Variants in RBM47 observed in about 807,000 individuals in gnomAD.
The protein encoded by RBM47 is RNA binding motif protein 47, also known as RNA-binding protein 47.
Under a neutral mutation model 47.1 loss-of-function variants are expected in RBM47, and 21 were observed. The observed-to-expected ratio is 0.45, with a 90% CI of 0.32 to 0.64. RBM47 has a LOEUF of 0.64. Among genes scored for constraint, RBM47 ranks in the 30% least tolerant of loss-of-function variants. The pLI is 0.05. For missense variants in RBM47, 708 were observed against 870.9 expected (o/e 0.81, Z 2.35); for synonymous variants, 375 against 361.7 (o/e 1.04, Z -0.42).
rs576683862 is a variant in RBM47 at position 40,532,092 on chromosome 4, C to G, written c.-155+12330G>C. ...GTGGCGCAGTCTCAGTTCACTGCAA[C>G]CTCTACCTCCTGGGTTCAAGAGATT... On this transcript the variant is annotated intron_variant, in intron 2 of 6. Coordinates refer to ENST00000295971, the MANE Select transcript of RBM47 (RefSeq NM_001098634.2). Among the ~76,000 whole-genome samples the G allele has an allele frequency of 2.9e-3, 429 of 150,504 alleles. 4 individuals carry two copies. Among genetic ancestry groups the G allele is most frequent in the African/African-American group, 9.1e-3 (373 of 40,924 alleles).
intron 2 of RBM47, among the ~76,000 whole-genome samples, chr4:40,521,788 A>G (rs956182638): frequency 6.6e-6 from 1 of 152,200 alleles, no homozygotes; most frequent in African/African-American, 2.4e-5. Context: ...CTTTCAAGCA[A>G]AAGTTAAATA....
At chr4:40,514,520 T>G (rs1725336850) in intron 2 of RBM47, 1 of 152,198 alleles carries the variant, frequency 6.6e-6, no homozygotes, top group South Asian at 2.1e-4. Context: ...ACGTACCTGC[T>G]AAGCACCTGG....
At chr4:40,530,509 G>A (rs988283125) in intron 2 of RBM47, among the ~76,000 whole-genome samples, 5 of 151,494 alleles carry the variant, frequency 3.3e-5, no homozygotes, top group African/African-American at 1.2e-4. Context: ...CACTATATTG[G>A]CCAGGCTGGT....
chr4:40,521,513 TAA>T (rs1453579509), intron 2 of RBM47, among the ~76,000 whole-genome samples: 2 of 152,204 alleles, frequency 1.3e-5, no homozygotes, highest in Non-Finnish European at 1.5e-5. Flanking sequence ...TTTATTTTAT[TAA>T]GTCTCAATTC....
chr4:40,437,159 T>TATATATATATATAAAATAC (rs1712750661), intron 4 of RBM47, among the ~76,000 whole-genome samples: 4 of 6,332 alleles, frequency 6.3e-4, no homozygotes, highest in African/African-American at 1.1e-3. Flanking sequence ...ATAAAATACA[T>TATATATATATATAAAATAC]ATATATATAT....
intron 3 of RBM47, among the ~76,000 whole-genome samples, chr4:40,447,455 A>T (rs116565604): frequency 0.026 from 3,947 of 152,326 alleles, 169 homozygotes; most frequent in African/African-American, 0.09. Flanking sequence ...AGCTTTCATT[A>T]GGATTTTAAC....
intron 2 of RBM47, among the ~76,000 whole-genome samples, chr4:40,470,151 T>G (rs1303200708): frequency 2.0e-5 from 3 of 152,140 alleles, no homozygotes; most frequent in Non-Finnish European, 4.4e-5. Context: ...GTAATAAGAT[T>G]TGTGGGGCAG....
intron 2 of RBM47, among the ~76,000 whole-genome samples, chr4:40,527,268 G>A (rs1177290872): frequency 3.3e-5 from 5 of 150,316 alleles, no homozygotes; most frequent in Non-Finnish European, 7.4e-5. Context: ...GACTACAGGC[G>A]TATGCCACCA....
At chr4:40,494,018 T>G (rs1462100473) in intron 2 of RBM47, among the ~76,000 whole-genome samples, 1 of 152,192 alleles carries the variant, frequency 6.6e-6, no homozygotes, top group African/African-American at 2.4e-5. Context: ...ACTGTGAATT[T>G]CAACTGATAA....
chr4:40,574,068 TGAG>T (rs1388859940), intron 1 of RBM47, among the ~76,000 whole-genome samples: 1 of 152,180 alleles, frequency 6.6e-6, no homozygotes, highest in South Asian at 2.1e-4. Flanking sequence ...ACTTAAATAA[TGAG>T]GAAGAACAGG....
At chr4:40,468,839 C>A (rs1166437494) in intron 2 of RBM47, among the ~76,000 whole-genome samples, 1 of 152,136 alleles carries the variant, frequency 6.6e-6, no homozygotes, top group Admixed American at 6.5e-5. Context: ...AAGATAATTC[C>A]TGAAATGCTG....
chr4:40,597,498 C>T (rs1252706271), intron 1 of RBM47, among the ~76,000 whole-genome samples: 2 of 151,848 alleles, frequency 1.3e-5, no homozygotes, highest in Non-Finnish European at 2.9e-5. Flanking sequence ...AGGAGAATGG[C>T]TTGAACCCAG....
chr4:40,435,420 G>A (rs144586086), intron 5 of RBM47, among the ~76,000 whole-genome samples: 79 of 152,140 alleles, frequency 5.2e-4, no homozygotes, highest in Middle Eastern at 3.4e-3. Context: ...ATGGTGGTGC[G>A]CGCCTGTAGT....
chr4:40,602,645 TAA>T (rs535210913), intron 1 of RBM47, among the ~76,000 whole-genome samples: 40 of 122,774 alleles, frequency 3.3e-4, no homozygotes, highest in Non-Finnish European at 3.1e-4. Flanking sequence ...AGAATCCGTT[TAA>T]AAAAAAAAAA....
chr4:40,629,843 G>C lies in RBM47; in HGVS notation c.-687C>G, dbSNP rs989101856. On this transcript the variant is annotated 5_prime_UTR_variant, in exon 1 of 7. Coordinates refer to ENST00000295971, the MANE Select transcript of RBM47 (RefSeq NM_001098634.2). ...CCCGGCTGCGTGGGGCGCTGCGCACGGGAGCGCTCAGCGTCTAGTCTGCGG... is the reference window on the plus strand; with the variant it reads ...CCCGGCTGCGTGGGGCGCTGCGCACCGGAGCGCTCAGCGTCTAGTCTGCGG... The C allele has an allele frequency of 6.6e-5, 10 of 152,292 alleles. No individual in the cohort carries two copies. The highest frequency in any genetic ancestry group is 1.9e-4 in the East Asian group (1 of 5,176). The allele number at this position is 152,292 out of a possible 1,614,324, so 9.4% of individuals were successfully genotyped here.
intron 2 of RBM47, among the ~76,000 whole-genome samples, chr4:40,508,998 T>C (rs1656451221): frequency 6.6e-6 from 1 of 151,916 alleles, no homozygotes; most frequent in Admixed American, 6.6e-5. Flanking sequence ...CTGTCTCTAC[T>C]AAAAATACAA....
At chr4:40,587,556 T>A (rs897872009) in intron 1 of RBM47, among the ~76,000 whole-genome samples, 3 of 152,232 alleles carry the variant, frequency 2.0e-5, no homozygotes, top group African/African-American at 7.2e-5. Context: ...CCTTTTCCCC[T>A]TGGGGCATGT....
At chr4:40,452,835 TC>T (rs1715645870) in intron 3 of RBM47, among the ~76,000 whole-genome samples, 1 of 138,218 alleles carries the variant, frequency 7.2e-6, no homozygotes, top group African/African-American at 2.7e-5. Context: ...GACTGTGATT[TC>T]CTTCTTTTTT....
rs761371358 is a variant in RBM47 at position 40,432,841 on chromosome 4, G to A, written c.1352C>T (p.Ala451Val). 13 of 1,613,120 alleles carry A rather than the reference G, an allele frequency of 8.1e-6. No individual in the cohort carries two copies. Among genetic ancestry groups the A allele is most frequent in the Admixed American group, 1.7e-5 (1 of 59,702 alleles). ...PGTVAIPAIG[A>V]QYSMFPAAPA... ...AGCTGCTGGAAACATGGAATACTGA[G>A]CCCCAATGGCAGGGATGGCTACTGC... Residue 451 changes from alanine to valine, a missense_variant, in exon 6 of 7, where the codon GCT becomes GTT. Physicochemically the swap from Ala to Val is moderately conservative, Grantham distance 64. Coordinates refer to ENST00000295971, the MANE Select transcript of RBM47 (RefSeq NM_001098634.2).
Sources: gnomAD v4.1 joint callset for allele counts (sites outside exome capture counted in the v4.1 genomes callset) on GRCh38, gnomAD v4.1.1 for gene constraint, MANE v1.5 for transcripts, NCBI Gene and HGNC (gene_info 2026-07-23, HGNC 2026-07-21) for gene names.